SYNJ1: variants seen among roughly 807,000 people sequenced by gnomAD.
SYNJ1 encodes the protein polyphosphatidylinositol phosphatase SYNJ1.
In SYNJ1, 78 loss-of-function variants were observed where a neutral mutation model predicts 168.2. That is an observed-to-expected ratio of 0.46 (90% confidence interval 0.39 to 0.56). SYNJ1 has a LOEUF of 0.56. Ranked by LOEUF, SYNJ1 falls within the 20% of genes least tolerant of loss-of-function variation. The pLI, the probability that SYNJ1 is intolerant of heterozygous loss-of-function variation, is 0.00. For synonymous variants in SYNJ1, 539 were observed against 548.6 expected, an observed-to-expected ratio of 0.98 and a Z score of 0.24; for missense variants, 1,303 against 1,597.6, an observed-to-expected ratio of 0.82 and a Z score of 3.14.
At chr21:32,691,000 T>C (rs1214864262) in intron 6 of SYNJ1, among the ~76,000 whole-genome samples, 1 of 152,232 alleles carries the variant, frequency 6.6e-6, no homozygotes, top group East Asian at 1.9e-4. Flanking sequence ...TTTCCATCAA[T>C]ATTACTTCTT....
In SYNJ1 at chr21:32,673,394, G is replaced by A; in HGVS notation, c.1672C>T (p.Leu558Phe). ...GGTGCATCAAGAAGCCAGTCAGTGAGTGTCTGATTCTTAAAAGCTATGCTG... is the reference window on the plus strand; with the variant it reads ...GGTGCATCAAGAAGCCAGTCAGTGAATGTCTGATTCTTAAAAGCTATGCTG... ...FRSIAFKNQT[L>F]TDWLLDAPKL... The change falls in exon 14 of 33, where the codon CTC becomes TTC. Residue 558 changes from leucine (L) to phenylalanine (F), a missense_variant. This residue lies in a region of SYNJ1 where 920 missense variants were observed against 1,208.8 expected (regional missense o/e 0.76). Transcript: ENST00000674351. The A allele has an allele frequency of 6.2e-7, 1 of 1,613,804 alleles. No homozygotes were observed.
intron 23 of SYNJ1, among the ~76,000 whole-genome samples, chr21:32,649,005 T>G (rs530448927): frequency 1.3e-5 from 2 of 152,370 alleles, no homozygotes; most frequent in African/African-American, 4.8e-5. Context: ...TAGCATTAAT[T>G]CCATTCTCCC....
intron 23 of SYNJ1, among the ~76,000 whole-genome samples, chr21:32,646,860 A>G (rs1420409363): frequency 6.6e-6 from 1 of 152,160 alleles, no homozygotes; most frequent in Non-Finnish European, 1.5e-5. Context: ...GGGTGACCCA[A>G]TGGGCTTTCA....
At chr21:32,654,899 A>T (rs2040403054) in intron 21 of SYNJ1, among the ~76,000 whole-genome samples, 1 of 152,186 alleles carries the variant, frequency 6.6e-6, no homozygotes, top group Non-Finnish European at 1.5e-5. Context: ...ATCTAGACTA[A>T]AAGGTAATAA....
chr21:32,688,778 T>C (rs541779630), intron 6 of SYNJ1, among the ~76,000 whole-genome samples: 2 of 152,278 alleles, frequency 1.3e-5, no homozygotes, highest in South Asian at 2.1e-4. Context: ...GAGATCAACA[T>C]AACCAATTCC....
intron 2 of SYNJ1, among the ~76,000 whole-genome samples, chr21:32,710,131 T>C (rs1392477622): frequency 2.6e-5 from 4 of 151,464 alleles, no homozygotes; most frequent in Non-Finnish European, 5.9e-5. Context: ...ACCCAGGAGG[T>C]TGAGGTTGCA....
intron 13 of SYNJ1, among the ~76,000 whole-genome samples, chr21:32,674,774 A>T (rs1276479621): frequency 6.6e-6 from 1 of 152,184 alleles, no homozygotes; most frequent in Admixed American, 6.5e-5. Flanking sequence ...AAGGACATCA[A>T]AACTACTTTC....
intron 18 of SYNJ1, among the ~76,000 whole-genome samples, chr21:32,660,401 T>C (rs1099463): frequency 1 from 152,370 of 152,384 alleles, 76,178 homozygotes; most frequent in Middle Eastern, 1. Flanking sequence ...CCCCGCATAA[T>C]CACTGACGTC....
At chr21:32,674,623 GTTT>G (rs3989187) in intron 13 of SYNJ1, among the ~76,000 whole-genome samples, 32 of 140,766 alleles carry the variant, frequency 2.3e-4, no homozygotes, top group Non-Finnish European at 2.5e-4. Flanking sequence ...AATCTCTCCC[GTTT>G]TTTTTTTTTT....
At chr21:32,640,306 G>GTT (rs1425475330) in intron 29 of SYNJ1, among the ~76,000 whole-genome samples, 1 of 150,206 alleles carries the variant, frequency 6.7e-6, no homozygotes, top group Non-Finnish European at 1.5e-5. Flanking sequence ...TTTTTTTTTG[G>GTT]TTTTTTTTTG....
In SYNJ1 at chr21:32,631,057, C is replaced by G; in HGVS notation, c.*748G>C. 6.2e-7 allele frequency: 1 copy of G among 1,613,998 alleles called. No homozygotes were observed. Among genetic ancestry groups the G allele is most frequent in the Non-Finnish European group, 8.5e-7 (1 of 1,179,992 alleles). On this transcript the variant is annotated 3_prime_UTR_variant, in exon 33 of 33. Coordinates refer to ENST00000674351, the MANE Select transcript of SYNJ1 (RefSeq NM_203446.3). ...GAGGCCAAGGTCGTGAAAGGATCTA[C>G]TGGAGGGCTGGTGCCGGGCGGGAGC...
chr21:32,673,322 A>G lies in SYNJ1; in HGVS notation c.1726+18T>C, dbSNP rs780148215. ...CAGTCAGGATTTATTAACTAAATCC[A>G]TATTATAAAAAGCCAACCTTGAAAC... is the stretch of plus-strand genomic sequence containing the variant. On this transcript the variant is annotated intron_variant, in intron 14 of 32. Coordinates refer to ENST00000674351, the MANE Select transcript of SYNJ1 (RefSeq NM_203446.3). 2.8e-5 allele frequency: 44 copies of G among 1,596,502 alleles called. No individual in the cohort carries two copies. In the Admixed American group the frequency reaches 6.4e-4, roughly 23 times the overall value.
intron 32 of SYNJ1, 112 bp from the exon 33 acceptor site, chr21:32,631,913 A>G: frequency 2.0e-6 from 2 of 1,003,764 alleles, no homozygotes; most frequent in African/African-American, 3.3e-5. Flanking sequence ...AAATTTAGAA[A>G]CTAAAAAGTA....
intron 32 of SYNJ1, 103 bp downstream of exon 32, chr21:32,634,758 T>C: frequency 8.0e-7 from 1 of 1,246,322 alleles, no homozygotes; most frequent in South Asian, 1.4e-5. Context: ...AGACAGGTGG[T>C]TTTAAAAATG....
At chr21:32,724,847 A>T (rs1282685102) in intron 2 of SYNJ1, among the ~76,000 whole-genome samples, 2 of 152,260 alleles carry the variant, frequency 1.3e-5, no homozygotes. Flanking sequence ...TTAGACATCC[A>T]TTTATGTTAG....
chr21:32,664,828 G>C, intron 18 of SYNJ1, 85 bp downstream of exon 18: 1 of 1,289,804 alleles, frequency 7.8e-7, no homozygotes, highest in Admixed American at 2.3e-5. Context: ...AAGACCCCAA[G>C]AAAATTTTAA....
intron 32 of SYNJ1, among the ~76,000 whole-genome samples, chr21:32,632,157 TACTTATA>T (rs1349143799): frequency 6.6e-6 from 1 of 152,238 alleles, no homozygotes; most frequent in Middle Eastern, 3.2e-3. Flanking sequence ...AAGAAATCCA[TACTTATA>T]ACTTATGCTA....
chr21:32,669,886 A>C (rs1452786807), intron 15 of SYNJ1, among the ~76,000 whole-genome samples: 1 of 152,222 alleles, frequency 6.6e-6, no homozygotes, highest in African/African-American at 2.4e-5. Context: ...GCTGTCTTAA[A>C]CTAGACATTA....
At chr21:32,694,875 C>A (rs1410159606) in intron 5 of SYNJ1, among the ~76,000 whole-genome samples, 182 bp downstream of exon 5, 1 of 152,104 alleles carries the variant, frequency 6.6e-6, no homozygotes. Flanking sequence ...AGATGAAGAG[C>A]CACACCAAAA....
Sources: allele counts gnomAD v4.1 joint callset (sites outside exome capture counted in the v4.1 genomes callset), GRCh38; gene constraint gnomAD v4.1.1; regional missense constraint gnomAD v4.1.1; transcripts MANE v1.5; gene names NCBI Gene and HGNC (gene_info 2026-07-23, HGNC 2026-07-21).